The following KIAA1549L variants were observed in gnomAD, a reference collection of about 807,000 sequenced individuals.
The protein encoded by KIAA1549L is UPF0606 protein KIAA1549L.
KIAA1549L carries 88 observed loss-of-function variants against 160.7 expected under a neutral mutation model. The ratio of observed to expected loss-of-function variants is 0.55; its 90% CI spans 0.46 to 0.65. The LOEUF is 0.65. Among genes scored for constraint, KIAA1549L ranks in the 30% least tolerant of loss-of-function variants. The probability of loss-of-function intolerance (pLI) is 0.00; values close to 1 mark genes in which losing one functional copy is unlikely to be tolerated. For missense variants in KIAA1549L, 2,258 were observed against 2,437.5 expected, an observed-to-expected ratio of 0.93 and a Z score of 1.55; for synonymous variants, 950 against 976.7, an observed-to-expected ratio of 0.97 and a Z score of 0.51.
intron 1 of KIAA1549L, among the ~76,000 whole-genome samples, chr11:33,515,558 C>T (rs1205675336): frequency 7.2e-5 from 11 of 152,184 alleles, no homozygotes; most frequent in Admixed American, 7.2e-4. Context: ...AGTAGGTTTC[C>T]CCACGTGGGT....
intron 1 of KIAA1549L, among the ~76,000 whole-genome samples, chr11:33,422,478 ACT>A (rs1424000104): frequency 7.0e-5 from 10 of 142,862 alleles, no homozygotes; most frequent in Non-Finnish European, 1.2e-4. Context: ...CCTCCTTGAG[ACT>A]CTCCTTAGCT....
intron 1 of KIAA1549L, among the ~76,000 whole-genome samples, chr11:33,438,141 A>G (rs993128873): frequency 6.6e-6 from 1 of 152,186 alleles, no homozygotes; most frequent in East Asian, 1.9e-4. Context: ...AAGGAGCTAT[A>G]CTACTTCAAG....
Position 33,656,054 on chromosome 11 carries a change from C to T in KIAA1549L, c.5803C>T (p.Pro1935Ser), listed in dbSNP as rs772631122. 2 of 1,613,824 alleles carry T rather than the reference C, an allele frequency of 1.2e-6. No individual in the cohort carries two copies. The highest frequency in any genetic ancestry group is 1.7e-6 in the Non-Finnish European group (2 of 1,179,850). Residue 1935 changes from proline (P) to serine (S), a missense_variant, in exon 18 of 21, where the codon CCG (proline) becomes TCG (serine). By Grantham distance (74) the Pro-to-Ser change is moderately conservative. This residue lies in a region of KIAA1549L where 1,359 missense variants were observed against 1,546.6 expected (regional missense o/e 0.88). Transcript: ENST00000658780. The stretch of plus-strand genomic sequence containing the variant: ...GCTTCCTGAGATGGTCATGGGCTCA[C>T]CGCCTCCACCCGTACCTCCCCGGAC... ...SQLPEMVMGS[P>S]PPPVPPRTGP...
At chr11:33,379,807 G>C (rs1206840739) in intron 1 of KIAA1549L, among the ~76,000 whole-genome samples, 1 of 152,190 alleles carries the variant, frequency 6.6e-6, no homozygotes, top group Non-Finnish European at 1.5e-5. Flanking sequence ...TACAGTAGGC[G>C]CTCAGTGAAT....
intron 1 of KIAA1549L, among the ~76,000 whole-genome samples, chr11:33,488,608 G>A (rs1852584326): frequency 6.6e-6 from 1 of 152,136 alleles, no homozygotes; most frequent in Admixed American, 6.5e-5. Context: ...CCAATTTTGT[G>A]GGTATGGAAA....
At chr11:33,589,463 G>T (rs556644181) in intron 11 of KIAA1549L, among the ~76,000 whole-genome samples, 2 of 152,186 alleles carry the variant, frequency 1.3e-5, no homozygotes, top group African/African-American at 2.4e-5. Flanking sequence ...ACATGCATAC[G>T]TATGTTTATT....
At chr11:33,566,716 T>A (rs1176692565) in intron 8 of KIAA1549L, among the ~76,000 whole-genome samples, 1 of 152,252 alleles carries the variant, frequency 6.6e-6, no homozygotes, top group Non-Finnish European at 1.5e-5. Flanking sequence ...TGGAATGTGA[T>A]GATTAGCGTT....
At chr11:33,613,718 G>T (rs1850707294) in intron 15 of KIAA1549L, among the ~76,000 whole-genome samples, 1 of 152,112 alleles carries the variant, frequency 6.6e-6, no homozygotes, top group Non-Finnish European at 1.5e-5. Flanking sequence ...TATGGGTGGA[G>T]ACAAATATCC....
intron 1 of KIAA1549L, among the ~76,000 whole-genome samples, chr11:33,496,300 C>G (rs977935332): frequency 2.0e-5 from 3 of 152,118 alleles, no homozygotes; most frequent in Non-Finnish European, 2.9e-5. Context: ...CACCCACAGG[C>G]AAACAACCCT....
chr11:33,397,641 G>A (rs1850406308), intron 1 of KIAA1549L, among the ~76,000 whole-genome samples: 1 of 151,802 alleles, frequency 6.6e-6, no homozygotes, highest in African/African-American at 2.4e-5. Context: ...GAACTTGGGA[G>A]GCGGAGGTTG....
chr11:33,636,043 T>G (rs111807951), intron 16 of KIAA1549L, among the ~76,000 whole-genome samples: 1 of 152,218 alleles, frequency 6.6e-6, no homozygotes, highest in Non-Finnish European at 1.5e-5. Flanking sequence ...ACCCAGGACA[T>G]GAATCTTGCC....
At chr11:33,632,135 C>T (rs1265495259) in intron 16 of KIAA1549L, among the ~76,000 whole-genome samples, 1 of 152,178 alleles carries the variant, frequency 6.6e-6, no homozygotes, top group Non-Finnish European at 1.5e-5. Flanking sequence ...AAAACATGAA[C>T]AGGGTGAATT....
chr11:33,543,547 C>T lies in KIAA1549L; in HGVS notation c.1984C>T (p.Pro662Ser), dbSNP rs1019298847. 17 of 1,614,016 alleles carry T rather than the reference C, an allele frequency of 1.1e-5. No homozygotes were observed. Among genetic ancestry groups the T allele is most frequent in the Non-Finnish European group, 1.4e-5 (16 of 1,179,884 alleles). Reference sequence around the variant, plus strand: ...AGCTGCTGTGGACCATTCTGGGTTGCCAGCTTCAGCTTCCAAACAGGTGAG... The same window carrying T: ...AGCTGCTGTGGACCATTCTGGGTTGTCAGCTTCAGCTTCCAAACAGGTGAG... The part of the protein sequence containing the change: ...YAAAVDHSGL[P>S]ASASKQVRAS... The change falls in exon 2 of 21, where the codon CCA (proline) becomes TCA (serine). Residue 662 changes from proline to serine, a missense_variant. Coordinates refer to ENST00000658780, the MANE Select transcript of KIAA1549L (RefSeq NM_012194.3).
At position 33,666,086 on chromosome 11, in the gene KIAA1549L, T is replaced by G. The variant is rs79037571; in HGVS notation, c.6160-1787T>G. ...AGTACCCAGGGCAGATCCTGCCTGC[T>G]TCTGGCCCCCTCCAAATCCACAGGG... On this transcript the variant is annotated intron_variant, in intron 20 of 20. Transcript: ENST00000658780. Among the ~76,000 whole-genome samples, 224 of 152,212 alleles carry G rather than the reference T, an allele frequency of 1.5e-3. 3 individuals carry two copies. Among genetic ancestry groups the G allele is most frequent in the African/African-American group, 5.1e-3 (213 of 41,536 alleles).
intron 16 of KIAA1549L, among the ~76,000 whole-genome samples, chr11:33,630,448 C>A (rs566996543): frequency 0.023 from 3,519 of 151,934 alleles, 134 homozygotes; most frequent in African/African-American, 0.073. Context: ...TGGGCGTAGG[C>A]CCCTCCGAGC....
chr11:33,610,020 G>A, intron 15 of KIAA1549L, 54 bp downstream of exon 15: 2 of 1,385,588 alleles, frequency 1.4e-6, no homozygotes, highest in Non-Finnish European at 2.0e-6. Context: ...TGGGATAAGG[G>A]CAGGCCTTGG....
intron 1 of KIAA1549L, among the ~76,000 whole-genome samples, chr11:33,425,619 A>G (rs1291608535): frequency 6.6e-6 from 1 of 152,092 alleles, no homozygotes; most frequent in Non-Finnish European, 1.5e-5. Flanking sequence ...GACTTGGAAA[A>G]CCTGAGTTCA....
chr11:33,544,359 T>C lies in KIAA1549L; in HGVS notation c.2773+23T>C, dbSNP rs376322855. ...CAGGTGCAGCCACTAATGCAGGTAG[T>C]TTGTTTCCCGGTACCCCCAAAACAG... is the stretch of plus-strand genomic sequence containing the variant. On this transcript the variant is annotated intron_variant, in intron 2 of 20. Coordinates refer to ENST00000658780, the MANE Select transcript of KIAA1549L (RefSeq NM_012194.3). 11 of 1,610,966 alleles carry C rather than the reference T, an allele frequency of 6.8e-6. No homozygotes were observed. In the African/African-American group the frequency reaches 9.3e-5, roughly 14 times the overall value.
chr11:33,394,391 TAATAAATAAATA>T (rs34927211), intron 1 of KIAA1549L, among the ~76,000 whole-genome samples: 48 of 103,198 alleles, frequency 4.7e-4, no homozygotes, highest in South Asian at 2.0e-3. Flanking sequence ...AACTCATAAA[TAATAAATAAATA>T]AATAAATAAA....
Sources: allele counts gnomAD v4.1 joint callset (sites outside exome capture counted in the v4.1 genomes callset), GRCh38; gene constraint gnomAD v4.1.1; regional missense constraint gnomAD v4.1.1; transcripts MANE v1.5; gene names NCBI Gene and HGNC (gene_info 2026-07-23, HGNC 2026-07-21).